Variants in MRPL13 observed in about 807,000 individuals in gnomAD.
MRPL13 encodes the protein large ribosomal subunit protein uL13m.
In MRPL13, 33 loss-of-function variants were observed where a neutral mutation model predicts 29.0. The ratio of observed to expected loss-of-function variants is 1.14; its 90% CI spans 0.86 to 1.52. MRPL13 has a LOEUF of 1.52. Ranked by LOEUF, MRPL13 falls within the 40% of genes most tolerant of loss-of-function variation. The probability of loss-of-function intolerance (pLI) is 0.00; values close to 1 mark genes in which losing one functional copy is unlikely to be tolerated. For missense variants in MRPL13, 227 were observed against 216.7 expected (o/e 1.05, Z -0.30); for synonymous variants, 77 against 68.4 (o/e 1.13, Z -0.62).
At chr8:120,413,599 G>A (rs1812766626) in intron 6 of MRPL13, among the ~76,000 whole-genome samples, 2 of 151,974 alleles carry the variant, frequency 1.3e-5, no homozygotes, top group African/African-American at 2.4e-5. Flanking sequence ...TTTCTTTTTG[G>A]ACCAAGACAA....
intron 6 of MRPL13, among the ~76,000 whole-genome samples, chr8:120,403,774 G>T (rs1812632523): frequency 6.6e-6 from 1 of 152,128 alleles, no homozygotes; most frequent in East Asian, 1.9e-4. Context: ...ATTTATAAAT[G>T]TTTTCTGAAA....
intron 6 of MRPL13, among the ~76,000 whole-genome samples, chr8:120,412,430 CACTT>C (rs1161325013): frequency 1.3e-5 from 2 of 152,192 alleles, no homozygotes. Flanking sequence ...CTAAGTTGCT[CACTT>C]ACTCCTTCCA....
rs535908572 is a variant in MRPL13 at position 120,443,407 on chromosome 8, G to A, written c.28-99C>T. 2.4e-4 allele frequency: 260 copies of A among 1,087,876 alleles called. 4 individuals carry two copies. The South Asian group carries it at 6.7e-3, about 28-fold the overall frequency. 67.4% of individuals were successfully genotyped at this position (1,087,876 alleles called of 1,614,324 possible). On this transcript the variant is annotated intron_variant, in intron 1 of 6. Transcript: ENST00000306185. ...TAAATTTATTATCATATATCATCAC[G>A]TTTCTACAATTAATGTCAACAATTT...
chr8:120,403,349 T>G (rs1812624404), intron 6 of MRPL13, among the ~76,000 whole-genome samples: 1 of 152,138 alleles, frequency 6.6e-6, no homozygotes, highest in African/African-American at 2.4e-5. Flanking sequence ...GGAACATGGA[T>G]GGAGCTGGAA....
chr8:120,418,656 CG>C (rs370274016), intron 5 of MRPL13, among the ~76,000 whole-genome samples: 13 of 152,114 alleles, frequency 8.5e-5, no homozygotes, highest in African/African-American at 2.9e-4. Context: ...TACACTCAAA[CG>C]TATCTTGTAA....
At chr8:120,432,513 A>C (rs993610476) in intron 2 of MRPL13, among the ~76,000 whole-genome samples, 2 of 152,116 alleles carry the variant, frequency 1.3e-5, no homozygotes, top group African/African-American at 4.8e-5. Flanking sequence ...AAAATAGCCA[A>C]GAAAATGAAA....
intron 5 of MRPL13, among the ~76,000 whole-genome samples, chr8:120,417,135 T>C (rs1812813150): frequency 2.0e-5 from 3 of 152,246 alleles, no homozygotes; most frequent in African/African-American, 2.4e-5. Context: ...GTTCCATGAT[T>C]ACATTCAGGT....
At chr8:120,396,842 T>C (rs924216226) in intron 6 of MRPL13, among the ~76,000 whole-genome samples, 1 of 152,220 alleles carries the variant, frequency 6.6e-6, no homozygotes, top group African/African-American at 2.4e-5. Flanking sequence ...CTGAAGGAAG[T>C]TGGTAACAAA....
intron 6 of MRPL13, among the ~76,000 whole-genome samples, chr8:120,406,239 A>G (rs965153643): frequency 1.3e-5 from 2 of 152,224 alleles, no homozygotes; most frequent in African/African-American, 4.8e-5. Context: ...ATTGTTCTTT[A>G]GACATGTAAT....
chr8:120,402,119 T>C (rs1016150071), intron 6 of MRPL13, among the ~76,000 whole-genome samples: 69 of 152,232 alleles, frequency 4.5e-4, no homozygotes, highest in African/African-American at 1.6e-3. Context: ...TAAGCTACCA[T>C]TGACATTCTT....
chr8:120,414,994 G>A (rs1455449184), intron 5 of MRPL13: 1 of 152,156 alleles, frequency 6.6e-6, no homozygotes, highest in African/African-American at 2.4e-5. Flanking sequence ...TTTAAAGTTT[G>A]AGTTTAGATA....
At chr8:120,403,044 TTGG>T (rs1812618657) in intron 6 of MRPL13, among the ~76,000 whole-genome samples, 1 of 152,188 alleles carries the variant, frequency 6.6e-6, no homozygotes, top group Non-Finnish European at 1.5e-5. Context: ...TTTTACACTG[TTGG>T]TGGGAGGGTA....
chr8:120,409,421 T>C (rs1032156088), intron 6 of MRPL13, among the ~76,000 whole-genome samples: 2 of 152,212 alleles, frequency 1.3e-5, no homozygotes, highest in African/African-American at 4.8e-5. Flanking sequence ...TTAATTTCCA[T>C]GATTATTGGG....
At chr8:120,442,321 T>C (rs1813133860) in intron 2 of MRPL13, among the ~76,000 whole-genome samples, 1 of 152,174 alleles carries the variant, frequency 6.6e-6, no homozygotes, top group South Asian at 2.1e-4. Flanking sequence ...CTTTTGGGCA[T>C]ACCTTGGAAA....
intron 2 of MRPL13, among the ~76,000 whole-genome samples, chr8:120,439,541 C>T (rs938546579): frequency 5.9e-5 from 9 of 152,118 alleles, no homozygotes; most frequent in Non-Finnish European, 1.3e-4. Context: ...AGCAATGGTT[C>T]GGTATTCACT....
Position 120,419,602 on chromosome 8 carries a change from C to T in MRPL13, c.393+250G>A, listed in dbSNP as rs191897491. On this transcript the variant is annotated intron_variant, in intron 5 of 6. Transcript: ENST00000306185. ...CTGATCATAGCTCCTTGTTCAAAAG[C>T]AAGCAGTGATTAAAATTTTTTTTAA... 1,731 of 246,890 alleles carry T rather than the reference C, an allele frequency of 7.0e-3. 14 individuals carry two copies. Among genetic ancestry groups the T allele is most frequent in the Middle Eastern group, 0.011 (8 of 752 alleles). 15.3% of individuals were successfully genotyped at this position (246,890 alleles called of 1,614,324 possible).
At chr8:120,406,555 A>ATGTGTGTG (rs72150915) in intron 6 of MRPL13, among the ~76,000 whole-genome samples, 51 of 147,168 alleles carry the variant, frequency 3.5e-4, no homozygotes, top group African/African-American at 7.0e-4. Flanking sequence ...ATATGTGTGC[A>ATGTGTGTG]TGTGTGTGTG....
chr8:120,416,641 T>C (rs994652403), intron 5 of MRPL13, among the ~76,000 whole-genome samples: 7 of 152,154 alleles, frequency 4.6e-5, no homozygotes, highest in Non-Finnish European at 1.0e-4. Context: ...TTTAGAAAAA[T>C]TTAAATTTAC....
In MRPL13 at chr8:120,444,986, T is replaced by C. The variant is rs1813186965; in HGVS notation, c.27+82A>G. 1.9e-6 allele frequency: 3 copies of C among 1,594,148 alleles called. No homozygotes were observed. The East Asian group carries it at 6.7e-5, about 36-fold the overall frequency. ...GTCTCGGCTTCCCTGCCGCCCCAGC[T>C]TCACTACTTAATCTGCCGGAACCAA... On this transcript the variant is annotated intron_variant, in intron 1 of 6. Transcript: ENST00000306185.
Sources: gnomAD v4.1 joint callset for allele counts (sites outside exome capture counted in the v4.1 genomes callset) on GRCh38, gnomAD v4.1.1 for gene constraint, MANE v1.5 for transcripts, NCBI Gene and HGNC (gene_info 2026-07-23, HGNC 2026-07-21) for gene names.